Variants in LRRC3B observed in about 807,000 individuals in gnomAD.
The protein encoded by LRRC3B is leucine rich repeat containing 3B.
A neutral mutation model predicts 12.8 loss-of-function variants in LRRC3B; 2 were observed. The observed-to-expected ratio is 0.16, with a 90% CI of 0.06 to 0.49. LRRC3B has a LOEUF of 0.49. Ranked by LOEUF, LRRC3B falls within the 20% of genes least tolerant of loss-of-function variation. The pLI, the probability that LRRC3B is intolerant of heterozygous loss-of-function variation, is 0.96. For synonymous variants in LRRC3B, 132 were observed against 122.0 expected (o/e 1.08, Z -0.54); for missense variants, 189 against 319.4 (o/e 0.59, Z 3.11).
At chr3:26,694,834 T>C (rs1050473560) in intron 1 of LRRC3B, 2 of 152,220 alleles carry the variant, frequency 1.3e-5, no homozygotes, top group African/African-American at 4.8e-5. Flanking sequence ...CGGAATAGGT[T>C]GTCTATCAAT....
chr3:26,699,032 ATTTTG>A (rs1024465232), intron 1 of LRRC3B, among the ~76,000 whole-genome samples: 2 of 151,726 alleles, frequency 1.3e-5, no homozygotes, highest in African/African-American at 4.8e-5. Flanking sequence ...TTTTATTGTT[ATTTTG>A]TTTTGTTTAT....
chr3:26,650,722 T>C (rs1699247674), intron 1 of LRRC3B, among the ~76,000 whole-genome samples: 2 of 152,184 alleles, frequency 1.3e-5, no homozygotes, highest in South Asian at 2.1e-4. Context: ...ATTATTATTA[T>C]TATTGCTGTT....
intron 1 of LRRC3B, among the ~76,000 whole-genome samples, chr3:26,642,072 G>A (rs1365159132): frequency 6.6e-6 from 1 of 152,154 alleles, no homozygotes; most frequent in Non-Finnish European, 1.5e-5. Flanking sequence ...TGGTATTATT[G>A]TATAGTTCTG....
chr3:26,695,233 T>A (rs9876983), intron 1 of LRRC3B, among the ~76,000 whole-genome samples: 2,690 of 152,174 alleles, frequency 0.018, 88 homozygotes, highest in East Asian at 0.14. Flanking sequence ...TATTATTTTT[T>A]AAAAAATACT....
exon 2 of LRRC3B, chr3:26,710,699 T>A (rs1380118467): frequency 2.8e-6 from 1 of 359,062 alleles, no homozygotes; most frequent in Non-Finnish European, 5.3e-6. Context: ...ATTAGTTAGA[T>A]CCATCTCACT....
At chr3:26,679,228 G>C (rs548877669) in intron 1 of LRRC3B, among the ~76,000 whole-genome samples, 1 of 152,182 alleles carries the variant, frequency 6.6e-6, no homozygotes, top group African/African-American at 2.4e-5. Context: ...TGGTGTGACC[G>C]CAACAGCCAG....
rs144664115 is a variant in LRRC3B at position 26,695,713 on chromosome 3, T to C, written c.-160-13800T>C. 8.9e-3 allele frequency among the ~76,000 whole-genome samples: 1,354 copies of C among 151,796 alleles called. 14 individuals are homozygous for C. Among genetic ancestry groups the C allele is most frequent in the Non-Finnish European group, 0.013 (887 of 68,034 alleles). Reference sequence around the variant, plus strand: ...AGTGGACCATTTCTAAGAAATGTTATAGAATCTGTAGATAAACATGTGTGT... The same window carrying C: ...AGTGGACCATTTCTAAGAAATGTTACAGAATCTGTAGATAAACATGTGTGT... On this transcript the variant is annotated intron_variant, in intron 1 of 1. Transcript: ENST00000396641.
At chr3:26,634,921 C>T (rs868307227) in intron 1 of LRRC3B, among the ~76,000 whole-genome samples, 4 of 152,166 alleles carry the variant, frequency 2.6e-5, no homozygotes, top group South Asian at 2.1e-4. Context: ...TATTATAATA[C>T]GTTGAATGTT....
At chr3:26,648,062 A>G (rs949475574) in intron 1 of LRRC3B, among the ~76,000 whole-genome samples, 1 of 151,724 alleles carries the variant, frequency 6.6e-6, no homozygotes, top group Non-Finnish European at 1.5e-5. Context: ...CATCTTGCCC[A>G]TGTATGGTAT....
chr3:26,657,359 T>G (rs931585821), intron 1 of LRRC3B, among the ~76,000 whole-genome samples: 1 of 152,212 alleles, frequency 6.6e-6, no homozygotes, highest in African/African-American at 2.4e-5. Flanking sequence ...CATACCTGAT[T>G]GATTGAATTA....
chr3:26,624,190 C>T lies in LRRC3B; in HGVS notation c.-161+953C>T, dbSNP rs192060769. 872 of 152,442 alleles carry T rather than the reference C, an allele frequency of 5.7e-3. 4 individuals carry two copies. Among genetic ancestry groups the T allele is most frequent in the Non-Finnish European group, 9.9e-3 (678 of 68,190 alleles). The allele number at this position is 152,442 out of a possible 1,614,324, so 9.4% of individuals were successfully genotyped here. ...CCTGGGATGGGGCGATCTTCCTCCC[C>T]AGAAGCAAACAAACCTCCCCGCGAG... is the stretch of plus-strand genomic sequence containing the variant. On this transcript the variant is annotated intron_variant, in intron 1 of 1. Coordinates refer to ENST00000396641, the Ensembl canonical transcript of LRRC3B.
chr3:26,631,837 T>TC (rs1224222810), intron 1 of LRRC3B, among the ~76,000 whole-genome samples: 2 of 151,368 alleles, frequency 1.3e-5, no homozygotes, highest in Non-Finnish European at 2.9e-5. Flanking sequence ...GGGCTCTACT[T>TC]CCCCCGTAAG....
chr3:26,710,495 C>A (rs374112766), exon 2 of LRRC3B: 2 of 1,496,920 alleles, frequency 1.3e-6, no homozygotes, highest in South Asian at 1.4e-5. Context: ...AAGTAGTTTG[C>A]GATTGCAGTA....
chr3:26,658,178 G>A (rs1471452324), intron 1 of LRRC3B, among the ~76,000 whole-genome samples: 2 of 152,100 alleles, frequency 1.3e-5, no homozygotes, highest in African/African-American at 2.4e-5. Context: ...CCGGGTTCAC[G>A]CCATTCTCCT....
chr3:26,702,040 A>T (rs1700468779), intron 1 of LRRC3B, among the ~76,000 whole-genome samples: 1 of 152,160 alleles, frequency 6.6e-6, no homozygotes, highest in African/African-American at 2.4e-5. Context: ...ATGAGAATGG[A>T]TTATAATTCA....
chr3:26,696,396 G>T (rs374486049), intron 1 of LRRC3B, among the ~76,000 whole-genome samples: 1 of 152,182 alleles, frequency 6.6e-6, no homozygotes, highest in South Asian at 2.1e-4. Flanking sequence ...GCTAATCTCT[G>T]TGGATGTCTA....
chr3:26,631,270 A>C (rs1207590449), intron 1 of LRRC3B, among the ~76,000 whole-genome samples: 2 of 152,200 alleles, frequency 1.3e-5, no homozygotes, highest in African/African-American at 4.8e-5. Context: ...GCCTTGGCCA[A>C]TATCACCTGA....
intron 1 of LRRC3B, among the ~76,000 whole-genome samples, chr3:26,668,176 A>G (rs903736287): frequency 6.6e-6 from 1 of 152,158 alleles, no homozygotes; most frequent in African/African-American, 2.4e-5. Flanking sequence ...CCCTGCATTA[A>G]CGAGCCCTGT....
At chr3:26,643,403 T>C (rs1458249154) in intron 1 of LRRC3B, among the ~76,000 whole-genome samples, 1 of 152,098 alleles carries the variant, frequency 6.6e-6, no homozygotes, top group Non-Finnish European at 1.5e-5. Context: ...GATATACCTG[T>C]ATAGATGGTT....
Sources: allele counts gnomAD v4.1 joint callset (sites outside exome capture counted in the v4.1 genomes callset), GRCh38; gene constraint gnomAD v4.1.1; transcripts MANE v1.5; gene names NCBI Gene and HGNC (gene_info 2026-07-23, HGNC 2026-07-21).